The following TENM4 variants were observed in gnomAD, a reference collection of about 807,000 sequenced individuals.
The protein encoded by TENM4 is teneurin transmembrane protein 4.
In TENM4, 82 loss-of-function variants were observed where a neutral mutation model predicts 243.3. The ratio of observed to expected loss-of-function variants is 0.34; its 90% CI spans 0.28 to 0.40. The LOEUF (loss-of-function observed/expected upper bound fraction) is 0.40. TENM4 is among the 10% of genes least tolerant of loss of function. The probability of loss-of-function intolerance (pLI) is 1.00; values close to 1 mark genes in which losing one functional copy is unlikely to be tolerated. For synonymous variants in TENM4, 1,412 were observed against 1,456.3 expected (o/e 0.97, Z 0.69); for missense variants, 3,138 against 3,673.3 (o/e 0.85, Z 3.77).
chr11:78,805,972 T>C (rs1250543205), intron 14 of TENM4, among the ~76,000 whole-genome samples: 1 of 152,192 alleles, frequency 6.6e-6, no homozygotes, highest in Admixed American at 6.5e-5. Flanking sequence ...CCCCAAATTC[T>C]TGAGATTGAT....
chr11:78,986,122 G>C (rs2136644662), intron 6 of TENM4, among the ~76,000 whole-genome samples: 1 of 152,264 alleles, frequency 6.6e-6, no homozygotes, highest in East Asian at 1.9e-4. Flanking sequence ...GGAGAAGCAG[G>C]GATGCTGGGG....
At chr11:79,260,925 A>C (rs1434125712) in intron 2 of TENM4, among the ~76,000 whole-genome samples, 2 of 152,200 alleles carry the variant, frequency 1.3e-5, no homozygotes, top group Non-Finnish European at 2.9e-5. Context: ...GGGCTATGAA[A>C]ACGATGTTTC....
chr11:79,080,380 A>G (rs1455096096), intron 4 of TENM4, among the ~76,000 whole-genome samples: 2 of 152,224 alleles, frequency 1.3e-5, no homozygotes, highest in African/African-American at 4.8e-5. Context: ...AGCAACTGAC[A>G]CAGACACCCG....
intron 2 of TENM4, among the ~76,000 whole-genome samples, chr11:79,228,076 A>G (rs1197014204): frequency 1.3e-5 from 2 of 152,198 alleles, no homozygotes; most frequent in African/African-American, 4.8e-5. Flanking sequence ...AGTGAGAAAG[A>G]ATTTGGATGT....
chr11:78,702,538 A>G (rs902062269), intron 27 of TENM4, 135 bp from the exon 28 acceptor site: 1 of 1,074,780 alleles, frequency 9.3e-7, no homozygotes, highest in Non-Finnish European at 1.3e-6. Flanking sequence ...GCAGCCTATC[A>G]TCAACAATGA....
intron 1 of TENM4, among the ~76,000 whole-genome samples, chr11:79,337,001 C>T (rs918387296): frequency 1.3e-5 from 2 of 152,194 alleles, no homozygotes; most frequent in African/African-American, 2.4e-5. Context: ...CTCCCCAGGC[C>T]CCAGGGAAAT....
intron 2 of TENM4, among the ~76,000 whole-genome samples, chr11:79,280,886 G>A (rs1210950856): frequency 2.6e-5 from 4 of 152,146 alleles, no homozygotes; most frequent in Non-Finnish European, 4.4e-5. Flanking sequence ...TTAATACCTG[G>A]TTGGCCCACT....
Position 78,941,589 on chromosome 11 carries a change from G to A in TENM4, c.494-38066C>T, listed in dbSNP as rs78443891. ...GCAGGAAGGCAAGCCCTGGCACGGC[G>A]CCGGGGCGGGGTGGGGTTGGGGGGG... On this transcript the variant is annotated intron_variant, in intron 6 of 33. Transcript: ENST00000278550. Among the ~76,000 whole-genome samples the A allele has an allele frequency of 5.5e-3, 837 of 152,228 alleles. 3 individuals carry two copies. The highest frequency in any genetic ancestry group is 0.015 in the South Asian group (74 of 4,824).
intron 1 of TENM4, among the ~76,000 whole-genome samples, chr11:79,359,874 C>G (rs574807273): frequency 6.6e-6 from 1 of 152,026 alleles, no homozygotes; most frequent in Non-Finnish European, 1.5e-5. Flanking sequence ...GCTCAGGACC[C>G]GAAGCAGAGG....
At chr11:79,287,896 A>C (rs1856285283) in intron 2 of TENM4, among the ~76,000 whole-genome samples, 2 of 152,230 alleles carry the variant, frequency 1.3e-5, no homozygotes. Flanking sequence ...TATTTAAGCA[A>C]CACCAAAAAC....
At chr11:78,954,032 G>T (rs746454798) in intron 6 of TENM4, among the ~76,000 whole-genome samples, 1 of 152,086 alleles carries the variant, frequency 6.6e-6, no homozygotes, top group Non-Finnish European at 1.5e-5. Context: ...ATTTTTTTTA[G>T]TTGTTTAATC....
At chr11:78,841,634 C>T (rs1858260608) in intron 12 of TENM4, among the ~76,000 whole-genome samples, 1 of 152,116 alleles carries the variant, frequency 6.6e-6, no homozygotes, top group South Asian at 2.1e-4. Flanking sequence ...AGTCATCTCC[C>T]CTCTCTCCTG....
intron 4 of TENM4, among the ~76,000 whole-genome samples, chr11:79,079,300 G>A (rs1860606875): frequency 6.6e-6 from 1 of 152,224 alleles, no homozygotes; most frequent in Non-Finnish European, 1.5e-5. Context: ...GACAGCTGCT[G>A]TATGGGCACT....
intron 6 of TENM4, among the ~76,000 whole-genome samples, chr11:78,905,290 A>C (rs755260994): frequency 6.6e-6 from 1 of 152,196 alleles, no homozygotes; most frequent in Admixed American, 6.5e-5. Context: ...AGTATGAAGC[A>C]CCATTAGTGT....
At chr11:78,891,447 C>T (rs756508280) in intron 7 of TENM4, 111 bp from the exon 8 acceptor site, 13 of 948,238 alleles carry the variant, frequency 1.4e-5, no homozygotes, top group Admixed American at 6.2e-5. Flanking sequence ...GTAAGACCAG[C>T]GGGACACGGT....
intron 4 of TENM4, among the ~76,000 whole-genome samples, chr11:79,141,913 G>T (rs1862292218): frequency 6.6e-6 from 1 of 152,058 alleles, no homozygotes; most frequent in South Asian, 2.1e-4. Context: ...CATTTCAATT[G>T]ATGCTGAAAA....
Position 78,729,307 on chromosome 11 carries a change from G to C in TENM4, c.3406+69C>G, listed in dbSNP as rs987439277. ...CTGAGAAGAGGAAGGAAGGAAGAAG[G>C]AACTAGGGAGGTAGAAAGAGTCCTC... is the stretch of plus-strand genomic sequence containing the variant. On this transcript the variant is annotated intron_variant, in intron 22 of 33. Coordinates refer to ENST00000278550, the MANE Select transcript of TENM4 (RefSeq NM_001098816.3). 1.2e-5 allele frequency: 17 copies of C among 1,467,650 alleles called. No homozygotes were observed. In the Admixed American group the frequency reaches 2.0e-4, roughly 17 times the overall value. The allele number at this position is 1,467,650 out of a possible 1,614,324, so 90.9% of individuals were successfully genotyped here. A position where few individuals can be genotyped will look rare whatever the true frequency, so the allele number is the denominator to read the frequency against.
chr11:78,973,637 C>T lies in TENM4; in HGVS notation c.494-70114G>A, dbSNP rs1282424134. ...ACTGACAAAGAAGACAAAGCCCTTG[C>T]TCTCAGAAGCTTACATTCTAGTGAA... On this transcript the variant is annotated intron_variant, in intron 6 of 33. Coordinates refer to ENST00000278550, the MANE Select transcript of TENM4 (RefSeq NM_001098816.3). Among the ~76,000 whole-genome samples the T allele has an allele frequency of 3.3e-5, 5 of 152,076 alleles. No individual in the cohort carries two copies. In the Middle Eastern group the frequency reaches 9.5e-3, roughly 289 times the overall value.
At chr11:78,912,923 G>A (rs1382815598) in intron 6 of TENM4, among the ~76,000 whole-genome samples, 4 of 152,200 alleles carry the variant, frequency 2.6e-5, no homozygotes, top group Admixed American at 1.3e-4. Flanking sequence ...TCATTCTTGC[G>A]CTTATCCCAA....
Sources: gnomAD v4.1 joint callset for allele counts (sites outside exome capture counted in the v4.1 genomes callset) on GRCh38, gnomAD v4.1.1 for gene constraint, MANE v1.5 for transcripts, NCBI Gene and HGNC (gene_info 2026-07-23, HGNC 2026-07-21) for gene names.